RPH3A: variants seen among roughly 807,000 people sequenced by gnomAD.
RPH3A encodes the protein rabphilin-3A.
RPH3A carries 48 observed loss-of-function variants against 102.2 expected under a neutral mutation model. The observed-to-expected ratio is 0.47, with a 90% CI of 0.37 to 0.60. The LOEUF is 0.60. Among genes scored for constraint, RPH3A ranks in the 20% least tolerant of loss-of-function variants. The pLI is 0.00. For synonymous variants in RPH3A, 310 were observed against 324.3 expected, an observed-to-expected ratio of 0.96 and a Z score of 0.47; for missense variants, 781 against 910.1, an observed-to-expected ratio of 0.86 and a Z score of 1.83.
chr12:112,874,981 G>A (rs1208058655), intron 10 of RPH3A, 103 bp from the exon 11 acceptor site: 1 of 905,688 alleles, frequency 1.1e-6, no homozygotes, highest in Non-Finnish European at 1.7e-6. Flanking sequence ...TCCAGTGAAA[G>A]TCCAAGGGGC....
chr12:112,711,302 A>G (rs2040459725), intron 1 of RPH3A, among the ~76,000 whole-genome samples: 1 of 152,012 alleles, frequency 6.6e-6, no homozygotes, highest in Non-Finnish European at 1.5e-5. Context: ...ATATAAGCAT[A>G]GTTTGTTCAC....
At position 112,897,028 on chromosome 12, in the gene RPH3A, G is replaced by A. The variant is rs1406919913; in HGVS notation, c.*248G>A. 4 of 470,286 alleles carry A rather than the reference G, an allele frequency of 8.5e-6. No individual in the cohort carries two copies. Among genetic ancestry groups the A allele is most frequent in the African/African-American group, 3.9e-5 (2 of 51,568 alleles). 29.1% of individuals were successfully genotyped at this position (470,286 alleles called of 1,614,324 possible). ...GGGATGGAGCAATGGGGATGGGGTT[G>A]GGGAGACGTTTACAAAGAGGTTGAT... On this transcript the variant is annotated 3_prime_UTR_variant, in exon 22 of 22. Coordinates refer to ENST00000389385, the MANE Select transcript of RPH3A (RefSeq NM_001143854.2).
At chr12:112,827,885 C>G (rs4766658) in intron 2 of RPH3A, among the ~76,000 whole-genome samples, 49,795 of 143,272 alleles carry the variant, frequency 0.35, 8,329 homozygotes, top group East Asian at 0.47. Context: ...TATCCCGGAA[C>G]TTAAGTATAA....
chr12:112,595,940 C>G (rs182478003), intron 1 of RPH3A, among the ~76,000 whole-genome samples: 1 of 152,296 alleles, frequency 6.6e-6, no homozygotes, highest in Admixed American at 6.5e-5. Flanking sequence ...TTCCATTTCT[C>G]TGACACTACT....
At chr12:112,734,938 C>T (rs567161347) in intron 1 of RPH3A, among the ~76,000 whole-genome samples, 6 of 152,316 alleles carry the variant, frequency 3.9e-5, no homozygotes, top group South Asian at 4.1e-4. Flanking sequence ...GCAAGGACTT[C>T]GTGACCTGTA....
At chr12:112,808,885 G>A (rs530078196) in intron 2 of RPH3A, among the ~76,000 whole-genome samples, 138 of 152,220 alleles carry the variant, frequency 9.1e-4, no homozygotes, top group African/African-American at 3.2e-3. Flanking sequence ...AAGGAAGGGC[G>A]GGATTGCAAG....
chr12:112,576,908 C>CGTTTTTT (rs1491257403), intron 1 of RPH3A, among the ~76,000 whole-genome samples: 1 of 89,878 alleles, frequency 1.1e-5, no homozygotes, highest in African/African-American at 6.2e-5. Flanking sequence ...TTCTTTTCTT[C>CGTTTTTT]CTTTTTTTTT....
At chr12:112,858,733 G>C (rs1454958311) in intron 5 of RPH3A, among the ~76,000 whole-genome samples, 1 of 152,218 alleles carries the variant, frequency 6.6e-6, no homozygotes, top group Non-Finnish European at 1.5e-5. Flanking sequence ...ATACATGTTT[G>C]TCAAGTGAGT....
rs1479630861 is a variant in RPH3A at position 112,898,001 on chromosome 12, ACT to A, written c.*1224_*1225del. 1 of 152,106 alleles carries A rather than the reference ACT, an allele frequency of 6.6e-6. No individual in the cohort carries two copies. Among genetic ancestry groups the A allele is most frequent in the African/African-American group, 2.4e-5 (1 of 41,376 alleles). The allele number at this position is 152,106 out of a possible 1,614,324, so 9.4% of individuals were successfully genotyped here. On this transcript the variant is annotated 3_prime_UTR_variant, in exon 22 of 22. Transcript: ENST00000389385. ...GCTACCCTCCTCCCCAATGCCCTTG[ACT>A]CTGTTTCATTGACTCTTTTGCATCC...
chr12:112,714,668 A>C (rs755390924), intron 1 of RPH3A, among the ~76,000 whole-genome samples: 1 of 152,206 alleles, frequency 6.6e-6, no homozygotes, highest in Non-Finnish European at 1.5e-5. Context: ...GAGAGCCTTT[A>C]AATTAATTCA....
At chr12:112,678,818 A>G (rs2040205793) in intron 1 of RPH3A, among the ~76,000 whole-genome samples, 1 of 152,184 alleles carries the variant, frequency 6.6e-6, no homozygotes, top group Non-Finnish European at 1.5e-5. Context: ...CTCACAGTCT[A>G]CTGGGGAAGC....
Position 112,880,031 on chromosome 12 carries a change from TATA to T in RPH3A, c.1251+839_1251+841del, listed in dbSNP as rs148845473. Among the ~76,000 whole-genome samples the T allele has an allele frequency of 1.6e-3, 244 of 152,358 alleles. 1 individual carries two copies. Among genetic ancestry groups the T allele is most frequent in the Middle Eastern group, 6.8e-3 (2 of 294 alleles). On this transcript the variant is annotated intron_variant, in intron 14 of 21. Coordinates refer to ENST00000389385, the MANE Select transcript of RPH3A (RefSeq NM_001143854.2). ...TCCCCTTCTATGCCTGTTGCCTCGCTATAATAATTAATTGCTTCCTTTTTCACT... is the reference window on the plus strand; with the variant it reads ...TCCCCTTCTATGCCTGTTGCCTCGCTATAATTAATTGCTTCCTTTTTCACT...
intron 2 of RPH3A, among the ~76,000 whole-genome samples, chr12:112,804,699 CT>C (rs1215410091): frequency 2.0e-5 from 3 of 152,206 alleles, no homozygotes; most frequent in Non-Finnish European, 4.4e-5. Context: ...GCCCCCCGTA[CT>C]TCAGTTTCTT....
At chr12:112,853,566 T>G (rs775592726) in intron 5 of RPH3A, among the ~76,000 whole-genome samples, 5 of 152,186 alleles carry the variant, frequency 3.3e-5, no homozygotes, top group Admixed American at 2.6e-4. Context: ...TAGTGGCTCA[T>G]GCCTGTAATC....
intron 11 of RPH3A, among the ~76,000 whole-genome samples, 173 bp downstream of exon 11, chr12:112,875,343 G>GGGCAGGGAGTGGGAGGAGGA (rs1315344767): frequency 6.6e-6 from 1 of 152,220 alleles, no homozygotes; most frequent in African/African-American, 2.4e-5. Flanking sequence ...CCAAGAAGCT[G>GGGCAGGGAGTGGGAGGAGGA]GGCAGGGAGT....
At chr12:112,580,394 C>CTTTTTTTTTTT (rs773931202) in intron 1 of RPH3A, among the ~76,000 whole-genome samples, 28 of 76,942 alleles carry the variant, frequency 3.6e-4, no homozygotes, top group Non-Finnish European at 4.3e-4. Flanking sequence ...TTTGTCTTGT[C>CTTTTTTTTTTT]TTTTTTTTTT....
intron 1 of RPH3A, among the ~76,000 whole-genome samples, chr12:112,651,547 C>T (rs766502776): frequency 6.6e-5 from 10 of 152,162 alleles, no homozygotes; most frequent in Non-Finnish European, 1.0e-4. Flanking sequence ...CTTCAAATGC[C>T]GTGGAATACA....
chr12:112,662,693 T>C (rs1282149808), intron 1 of RPH3A, among the ~76,000 whole-genome samples: 1 of 151,438 alleles, frequency 6.6e-6, no homozygotes, highest in East Asian at 1.9e-4. Context: ...ACCAAAGCAT[T>C]GTGGCAGGGA....
intron 4 of RPH3A, among the ~76,000 whole-genome samples, chr12:112,846,420 G>A (rs1694471085): frequency 6.6e-6 from 1 of 152,130 alleles, no homozygotes; most frequent in Admixed American, 6.5e-5. Context: ...TTCCCTTTCT[G>A]GAAACAAGAC....
Sources: allele counts gnomAD v4.1 joint callset (sites outside exome capture counted in the v4.1 genomes callset), GRCh38; gene constraint gnomAD v4.1.1; transcripts MANE v1.5; gene names NCBI Gene and HGNC (gene_info 2026-07-23, HGNC 2026-07-21).